Variants in HUNK observed in about 807,000 individuals in gnomAD.
HUNK encodes the protein hormonally up-regulated Neu-associated kinase.
Under a neutral mutation model 61.0 loss-of-function variants are expected in HUNK, and 21 were observed. The ratio of observed to expected loss-of-function variants is 0.34; its 90% CI spans 0.24 to 0.50. The LOEUF is 0.50. Ranked by LOEUF, HUNK falls within the 20% of genes least tolerant of loss-of-function variation. The pLI, the probability that HUNK is intolerant of heterozygous loss-of-function variation, is 0.98. For missense variants in HUNK, 772 were observed against 945.7 expected, an observed-to-expected ratio of 0.82 and a Z score of 2.41; for synonymous variants, 371 against 386.1, an observed-to-expected ratio of 0.96 and a Z score of 0.46.
In HUNK at chr21:31,908,016, A is replaced by G. The variant is rs911165820; in HGVS notation, c.262-16452A>G. 2.6e-5 allele frequency among the ~76,000 whole-genome samples: 4 copies of G among 152,146 alleles called. No individual in the cohort carries two copies. In the South Asian group the frequency reaches 6.2e-4, roughly 24 times the overall value. On this transcript the variant is annotated intron_variant, in intron 1 of 10. Transcript: ENST00000270112. ...AAAAGAAAAAAAAAATGGTGAGGAC[A>G]GTAACTTTTATTTAGGTGTTTTTAC...
At chr21:31,947,567 G>C (rs2052817855) in intron 4 of HUNK, among the ~76,000 whole-genome samples, 1 of 152,250 alleles carries the variant, frequency 6.6e-6, no homozygotes, top group Admixed American at 6.5e-5. Context: ...CAAGGACTCT[G>C]CACGAAGGGA....
intron 4 of HUNK, among the ~76,000 whole-genome samples, chr21:31,946,487 C>G (rs1200980955): frequency 1.3e-5 from 2 of 152,164 alleles, no homozygotes; most frequent in African/African-American, 4.8e-5. Context: ...TCCCATCGCC[C>G]TCTGTGTGAA....
At chr21:31,894,906 C>A (rs2052414874) in intron 1 of HUNK, among the ~76,000 whole-genome samples, 1 of 152,176 alleles carries the variant, frequency 6.6e-6, no homozygotes, top group African/African-American at 2.4e-5. Flanking sequence ...ACAATCTGAT[C>A]TGCACCCAGT....
At chr21:31,928,057 T>C (rs1464216547) in intron 2 of HUNK, among the ~76,000 whole-genome samples, 2 of 152,228 alleles carry the variant, frequency 1.3e-5, no homozygotes, top group African/African-American at 4.8e-5. Context: ...GTCATAACGC[T>C]GCTGTTATTA....
chr21:31,967,298 C>A (rs954675033), intron 5 of HUNK, among the ~76,000 whole-genome samples: 3 of 152,120 alleles, frequency 2.0e-5, no homozygotes, highest in Admixed American at 6.5e-5. Context: ...CTGCAGTGAG[C>A]CATGATGGCA....
At chr21:31,954,232 C>T (rs1421556673) in intron 4 of HUNK, among the ~76,000 whole-genome samples, 1 of 152,156 alleles carries the variant, frequency 6.6e-6, no homozygotes, top group Admixed American at 6.5e-5. Flanking sequence ...GACACCCCCA[C>T]CTGGGACAGG....
intron 7 of HUNK, among the ~76,000 whole-genome samples, chr21:31,980,912 C>T (rs1447904778): frequency 6.6e-6 from 1 of 151,962 alleles, no homozygotes; most frequent in African/African-American, 2.4e-5. Context: ...CCATGTTGGT[C>T]AGGCTGATCT....
At position 31,873,956 on chromosome 21, in the gene HUNK, G is replaced by A. The variant is rs747407336; in HGVS notation, c.261+21G>A. On this transcript the variant is annotated intron_variant, in intron 1 of 10. Transcript: ENST00000270112. This position sits in a 1 kb window ranked among gnomAD's most constrained non-coding sequence, Gnocchi z 6.1. ...AGAAGGTGAGTCTCCCGGGCGCCGT[G>A]GGGCTGGGGCACAGGGGCGGGAGTC... 6 of 1,473,132 alleles carry A rather than the reference G, an allele frequency of 4.1e-6. No individual in the cohort carries two copies. Among genetic ancestry groups the A allele is most frequent in the Non-Finnish European group, 4.5e-6 (5 of 1,110,952 alleles). The allele number at this position is 1,473,132 out of a possible 1,614,324, so 91.3% of individuals were successfully genotyped here.
chr21:31,975,851 G>A (rs2053044988), intron 7 of HUNK, among the ~76,000 whole-genome samples: 1 of 152,220 alleles, frequency 6.6e-6, no homozygotes, highest in East Asian at 1.9e-4. Flanking sequence ...TAGTCAGTGT[G>A]TGTCTTTTGT....
intron 1 of HUNK, among the ~76,000 whole-genome samples, chr21:31,883,456 T>C (rs2052323947): frequency 6.6e-6 from 1 of 152,176 alleles, no homozygotes; most frequent in South Asian, 2.1e-4. Context: ...ATTCGCCAAT[T>C]TTCTTTTGGG....
chr21:31,917,691 AACATACACACACACACAC>A lies in HUNK; in HGVS notation c.262-6773_262-6756del, dbSNP rs1280286575. ...TACCCTCCTGAAACTCCCATTCCCA[AACATACACACACACACAC>A]ACACACACACACACACACACACACA... On this transcript the variant is annotated intron_variant, in intron 1 of 10. Transcript: ENST00000270112. 5.6e-3 allele frequency among the ~76,000 whole-genome samples: 307 copies of A among 54,652 alleles called. 4 individuals carry two copies. The highest frequency in any genetic ancestry group is 0.016 in the African/African-American group (277 of 17,076). 35.9% of individuals were successfully genotyped at this position (54,652 alleles called of 152,430 possible).
intron 1 of HUNK, among the ~76,000 whole-genome samples, chr21:31,877,272 A>C (rs2052270608): frequency 6.6e-6 from 1 of 152,124 alleles, no homozygotes; most frequent in South Asian, 2.1e-4. Context: ...ACTTGGTTAC[A>C]CTTCCAAAAA....
chr21:31,935,366 C>T lies in HUNK; in HGVS notation c.555-4799C>T, dbSNP rs73903707. Reference sequence around the variant, plus strand: ...TCCCTGTTACGAATATCTTGTGTTCCCCTGGCACATTTGTTACAATGGATG... The same window carrying T: ...TCCCTGTTACGAATATCTTGTGTTCTCCTGGCACATTTGTTACAATGGATG... On this transcript the variant is annotated intron_variant, in intron 2 of 10. Coordinates refer to ENST00000270112, the MANE Select transcript of HUNK (RefSeq NM_014586.2). Among the ~76,000 whole-genome samples the T allele has an allele frequency of 8.7e-3, 1,331 of 152,254 alleles. 21 individuals are homozygous for T. The highest frequency in any genetic ancestry group is 0.03 in the African/African-American group (1,238 of 41,540).
chr21:31,901,895 G>C (rs1197753019), intron 1 of HUNK, among the ~76,000 whole-genome samples: 1 of 152,038 alleles, frequency 6.6e-6, no homozygotes, highest in African/African-American at 2.4e-5. Context: ...CCCAGCTCAG[G>C]CCTCAACCAG....
intron 1 of HUNK, among the ~76,000 whole-genome samples, chr21:31,897,842 G>T (rs2052435747): frequency 6.6e-6 from 1 of 152,174 alleles, no homozygotes; most frequent in Non-Finnish European, 1.5e-5. Context: ...GGTGGAGGGT[G>T]CTGCCTGGAC....
At chr21:31,935,103 A>G (rs1438790249) in intron 2 of HUNK, among the ~76,000 whole-genome samples, 6 of 152,098 alleles carry the variant, frequency 3.9e-5, no homozygotes, top group Non-Finnish European at 8.8e-5. Context: ...CACTGTTCTG[A>G]ATGGACTCAG....
chr21:31,919,236 T>G (rs79391373), intron 1 of HUNK, among the ~76,000 whole-genome samples: 179 of 131,880 alleles, frequency 1.4e-3, no homozygotes, highest in African/African-American at 4.3e-3. Flanking sequence ...GGTATGAGGA[T>G]GAGGGGCTGG....
At chr21:31,874,700 G>A (rs1381459479) in intron 1 of HUNK, among the ~76,000 whole-genome samples, 2 of 151,676 alleles carry the variant, frequency 1.3e-5, no homozygotes, top group South Asian at 2.1e-4. Flanking sequence ...TGAAGACCCT[G>A]CTACTGGCAG....
rs185863918 is a variant in HUNK at position 31,879,464 on chromosome 21, G to T, written c.261+5529G>T. ...ACTTGTGAATGATGGAAATTGGCAC[G>T]TAGGGCCTGGTTCCTAGTGTTCATT... On this transcript the variant is annotated intron_variant, in intron 1 of 10. Transcript: ENST00000270112. Among the ~76,000 whole-genome samples the T allele has an allele frequency of 2.8e-4, 43 of 152,302 alleles. No homozygotes were observed. The East Asian group carries it at 4.1e-3, about 14-fold the overall frequency.
Sources: allele counts gnomAD v4.1 joint callset (sites outside exome capture counted in the v4.1 genomes callset), GRCh38; gene constraint gnomAD v4.1.1; non-coding constraint Gnocchi (gnomAD v3.1); transcripts MANE v1.5; gene names NCBI Gene and HGNC (gene_info 2026-07-23, HGNC 2026-07-21).